UNC5D: variants seen among roughly 807,000 people sequenced by gnomAD.
UNC5D encodes unc-5 netrin receptor D, also known as netrin receptor UNC5D.
Under a neutral mutation model 105.4 loss-of-function variants are expected in UNC5D, and 39 were observed. The ratio of observed to expected loss-of-function variants is 0.37; its 90% CI spans 0.29 to 0.48. The LOEUF (loss-of-function observed/expected upper bound fraction) is 0.48, where lower values mean the gene tolerates loss of function less well. Among genes scored for constraint, UNC5D ranks in the 20% least tolerant of loss-of-function variants. The pLI, the probability that UNC5D is intolerant of heterozygous loss-of-function variation, is 0.98. For missense variants in UNC5D, 991 were observed against 1,202.4 expected, an observed-to-expected ratio of 0.82 and a Z score of 2.60; for synonymous variants, 452 against 450.4, an observed-to-expected ratio of 1.00 and a Z score of -0.04.
chr8:35,623,104 C>A (rs1821459395), intron 4 of UNC5D, among the ~76,000 whole-genome samples: 1 of 152,078 alleles, frequency 6.6e-6, no homozygotes, highest in Non-Finnish European at 1.5e-5. Flanking sequence ...GTGATAGAGT[C>A]AGCAAAAAGG....
intron 1 of UNC5D, among the ~76,000 whole-genome samples, chr8:35,341,005 T>C (rs1811417413): frequency 1.3e-5 from 2 of 152,154 alleles, no homozygotes; most frequent in South Asian, 4.1e-4. Flanking sequence ...TTAAAAGTGG[T>C]TAATTTTAAG....
chr8:35,541,850 T>TA (rs968673347), intron 1 of UNC5D, among the ~76,000 whole-genome samples: 10 of 151,536 alleles, frequency 6.6e-5, no homozygotes, highest in African/African-American at 1.2e-4. Flanking sequence ...TGCGTCTATT[T>TA]AAAAAAAAAT....
intron 11 of UNC5D, among the ~76,000 whole-genome samples, chr8:35,740,795 T>C (rs1039404034): frequency 3.2e-4 from 49 of 152,144 alleles, no homozygotes; most frequent in African/African-American, 1.1e-3. Context: ...AGATGTGACT[T>C]TGGTTGGGTT....
intron 7 of UNC5D, among the ~76,000 whole-genome samples, chr8:35,694,074 T>A (rs1190493767): frequency 6.6e-6 from 1 of 152,092 alleles, no homozygotes; most frequent in Non-Finnish European, 1.5e-5. Flanking sequence ...AACGAGTCCC[T>A]GTGATGATGT....
intron 1 of UNC5D, among the ~76,000 whole-genome samples, chr8:35,388,956 A>G (rs1803603816): frequency 6.6e-6 from 1 of 152,224 alleles, no homozygotes; most frequent in South Asian, 2.1e-4. Context: ...GAAAATAAGT[A>G]AGGCATTTTT....
At chr8:35,382,299 A>AT (rs1803092042) in intron 1 of UNC5D, among the ~76,000 whole-genome samples, 1 of 152,218 alleles carries the variant, frequency 6.6e-6, no homozygotes, top group Admixed American at 6.5e-5. Context: ...TATGTAACTC[A>AT]GGCCAGACAA....
At chr8:35,642,890 T>A (rs141819045) in intron 4 of UNC5D, among the ~76,000 whole-genome samples, 7 of 152,256 alleles carry the variant, frequency 4.6e-5, no homozygotes, top group African/African-American at 1.4e-4. Context: ...TACAAGATTG[T>A]TTTTCCCTTC....
chr8:35,704,959 CCTTT>C (rs1240205193), intron 7 of UNC5D, among the ~76,000 whole-genome samples: 2 of 145,222 alleles, frequency 1.4e-5, no homozygotes, highest in East Asian at 4.0e-4. Flanking sequence ...ATGCTGAATG[CCTTT>C]TTTTTTTTTT....
chr8:35,790,312 A>G, intron 16 of UNC5D, 47 bp from the exon 17 acceptor site: 1 of 1,569,796 alleles, frequency 6.4e-7, no homozygotes, highest in Non-Finnish European at 8.8e-7. Context: ...TTATTCCTTT[A>G]TTTTCATGTT....
chr8:35,264,166 T>C (rs1007280838), intron 1 of UNC5D, among the ~76,000 whole-genome samples: 2 of 152,228 alleles, frequency 1.3e-5, no homozygotes, highest in African/African-American at 4.8e-5. Context: ...AGCTATCGCA[T>C]ATAAAGACTA....
intron 2 of UNC5D, among the ~76,000 whole-genome samples, chr8:35,550,329 T>C (rs1180884117): frequency 6.6e-6 from 1 of 152,178 alleles, no homozygotes; most frequent in Non-Finnish European, 1.5e-5. Flanking sequence ...GCCTTCAAAA[T>C]GTATATCCTT....
rs1287016490 is a variant in UNC5D at position 35,679,162 on chromosome 8, A to T, written c.571-4385A>T. Among the ~76,000 whole-genome samples the T allele has an allele frequency of 3.9e-5, 6 of 152,072 alleles. No homozygotes were observed. In the East Asian group the frequency reaches 5.8e-4, roughly 15 times the overall value. ...CTAGTCAGGAGGCTGAGGTGGGAGG[A>T]TTGCTTCAGCCTGGAAGGTCAAGGC... On this transcript the variant is annotated intron_variant, in intron 4 of 16. Transcript: ENST00000404895.
chr8:35,310,765 G>A (rs1808816743), intron 1 of UNC5D, among the ~76,000 whole-genome samples: 1 of 151,994 alleles, frequency 6.6e-6, no homozygotes, highest in Admixed American at 6.6e-5. Context: ...GGATACTAGT[G>A]CCGGTGGATC....
intron 13 of UNC5D, among the ~76,000 whole-genome samples, chr8:35,757,579 T>A (rs1422806509): frequency 6.6e-6 from 1 of 152,170 alleles, no homozygotes; most frequent in Non-Finnish European, 1.5e-5. Flanking sequence ...TCATGTATGG[T>A]AATAGATACT....
chr8:35,790,713 T>C lies in UNC5D; in HGVS notation c.*150T>C. On this transcript the variant is annotated 3_prime_UTR_variant, in exon 17 of 17. Transcript: ENST00000404895. ...CCCCTGTTGAAGAAACTAAATTTTA[T>C]ATAGGTAAAACATGTTAATAGGGAA... 1.3e-6 allele frequency: 1 copy of C among 778,452 alleles called. No homozygotes were observed. The highest frequency in any genetic ancestry group is 2.1e-6 in the Non-Finnish European group (1 of 484,146). The allele number at this position is 778,452 out of a possible 1,614,324, so 48.2% of individuals were successfully genotyped here. A position where few individuals can be genotyped will look rare whatever the true frequency, so the allele number is the denominator to read the frequency against.
chr8:35,406,475 A>G lies in UNC5D; in HGVS notation c.104-142817A>G, dbSNP rs910840482. Among the ~76,000 whole-genome samples the G allele has an allele frequency of 7.2e-5, 11 of 152,234 alleles. No homozygotes were observed. In the South Asian group the frequency reaches 2.3e-3, roughly 32 times the overall value. The stretch of plus-strand genomic sequence containing the variant: ...TTAAACTTAGCTACCTTAATTTTCC[A>G]AGATGGTACTTTAATCTCAGTCATA... On this transcript the variant is annotated intron_variant, in intron 1 of 16. Coordinates refer to ENST00000404895, the MANE Select transcript of UNC5D (RefSeq NM_080872.4).
chr8:35,580,517 A>G (rs1352175220), intron 3 of UNC5D, among the ~76,000 whole-genome samples: 1 of 152,058 alleles, frequency 6.6e-6, no homozygotes, highest in East Asian at 1.9e-4. Context: ...AGGGGTGAAC[A>G]CAGGAGAAGA....
chr8:35,323,856 G>C (rs1809940302), intron 1 of UNC5D, among the ~76,000 whole-genome samples: 1 of 152,064 alleles, frequency 6.6e-6, no homozygotes, highest in South Asian at 2.1e-4. Context: ...TTGCAGGTTG[G>C]TTATTCATTT....
intron 4 of UNC5D, among the ~76,000 whole-genome samples, chr8:35,646,491 C>T (rs773875229): frequency 2.6e-5 from 4 of 152,002 alleles, no homozygotes; most frequent in Non-Finnish European, 5.9e-5. Context: ...CAACCCAGTC[C>T]TGAAATACCC....
Sources: gnomAD v4.1 joint callset for allele counts (sites outside exome capture counted in the v4.1 genomes callset) on GRCh38, gnomAD v4.1.1 for gene constraint, MANE v1.5 for transcripts, NCBI Gene and HGNC (gene_info 2026-07-23, HGNC 2026-07-21) for gene names.